SCFD2: variants seen among roughly 807,000 people sequenced by gnomAD.
SCFD2 encodes sec1 family domain-containing protein 2.
A neutral mutation model predicts 58.9 loss-of-function variants in SCFD2; 54 were observed. The ratio of observed to expected loss-of-function variants is 0.92; its 90% CI spans 0.74 to 1.15. The LOEUF (loss-of-function observed/expected upper bound fraction) is 1.15, where lower values mean the gene tolerates loss of function less well. Among genes scored for constraint, SCFD2 ranks in the 50% most tolerant of loss-of-function variants. The pLI is 0.00. For synonymous variants in SCFD2, 321 were observed against 335.9 expected, an observed-to-expected ratio of 0.96 and a Z score of 0.49; for missense variants, 805 against 836.6, an observed-to-expected ratio of 0.96 and a Z score of 0.47.
chr4:52,894,645 TCTCCCTAGTTTGCTAGAACCA>T (rs1718957620), intron 7 of SCFD2, among the ~76,000 whole-genome samples: 4 of 152,332 alleles, frequency 2.6e-5, no homozygotes, highest in Admixed American at 6.5e-5. Context: ...CAAAGCTGTT[TCTCCCTAGTTTGCTAGAACCA>T]CTCCCTAGTG....
At chr4:53,291,582 T>C (rs1731840685) in intron 3 of SCFD2, among the ~76,000 whole-genome samples, 1 of 151,966 alleles carries the variant, frequency 6.6e-6, no homozygotes, top group African/African-American at 2.4e-5. Context: ...GTTATCCCCA[T>C]TAAACTACGA....
chr4:52,884,671 C>T (rs1286365187), intron 8 of SCFD2, among the ~76,000 whole-genome samples: 2 of 152,148 alleles, frequency 1.3e-5, no homozygotes, highest in Middle Eastern at 3.2e-3. Flanking sequence ...TTGGGGAACA[C>T]ACTAAGGCAA....
chr4:53,055,198 T>C lies in SCFD2; in HGVS notation c.1561+90135A>G, dbSNP rs149083591. On this transcript the variant is annotated intron_variant, in intron 5 of 8. Transcript: ENST00000401642. ...TTTGAAGGTCTGTCATTATTCTCCA[T>C]TTTATGTATCAGGAAACTGATGTTC... 1.5e-3 allele frequency among the ~76,000 whole-genome samples: 232 copies of C among 152,312 alleles called. 1 individual carries two copies. Among genetic ancestry groups the C allele is most frequent in the African/African-American group, 5.4e-3 (223 of 41,578 alleles).
intron 4 of SCFD2, among the ~76,000 whole-genome samples, chr4:53,201,840 T>C (rs1728250682): frequency 6.6e-6 from 1 of 152,222 alleles, no homozygotes; most frequent in Non-Finnish European, 1.5e-5. Context: ...GAAGTGTCTG[T>C]TCATATCCTT....
At chr4:53,038,894 C>T (rs1722828734) in intron 5 of SCFD2, among the ~76,000 whole-genome samples, 1 of 152,072 alleles carries the variant, frequency 6.6e-6, no homozygotes, top group South Asian at 2.1e-4. Context: ...TCTCACTTTG[C>T]TGCCCAGGCT....
chr4:53,177,667 A>T (rs1727383803), intron 4 of SCFD2, among the ~76,000 whole-genome samples: 1 of 152,186 alleles, frequency 6.6e-6, no homozygotes, highest in South Asian at 2.1e-4. Context: ...CAGTAGGTGC[A>T]GGGCAGTGGG....
At chr4:52,960,603 A>T (rs1223554901) in intron 5 of SCFD2, among the ~76,000 whole-genome samples, 1 of 152,034 alleles carries the variant, frequency 6.6e-6, no homozygotes, top group Admixed American at 6.6e-5. Flanking sequence ...TCCCGACCTC[A>T]GGTGATCCGC....
chr4:53,232,927 G>C (rs1236657912), intron 4 of SCFD2, among the ~76,000 whole-genome samples: 1 of 152,124 alleles, frequency 6.6e-6, no homozygotes, highest in African/African-American at 2.4e-5. Context: ...ACTTTCCAGA[G>C]ATCATGGAGA....
chr4:53,277,475 A>C lies in SCFD2; in HGVS notation c.1136-3474T>G, dbSNP rs548053028. Among the ~76,000 whole-genome samples the C allele has an allele frequency of 2.6e-5, 4 of 152,276 alleles. No individual in the cohort carries two copies. In the South Asian group the frequency reaches 8.3e-4, roughly 32 times the overall value. On this transcript the variant is annotated intron_variant, in intron 3 of 8. Transcript: ENST00000401642. ...TTAATGATCATACAAATAATTACTT[A>C]ATCATGATAGTGGTAAGTACTGCCA...
intron 5 of SCFD2, among the ~76,000 whole-genome samples, chr4:53,105,449 A>ACTGACAG (rs1366897711): frequency 6.6e-6 from 1 of 152,022 alleles, no homozygotes; most frequent in Non-Finnish European, 1.5e-5. Flanking sequence ...TGAAATTCTC[A>ACTGACAG]CTGACAGCAC....
intron 5 of SCFD2, among the ~76,000 whole-genome samples, chr4:52,970,639 T>C (rs777459400): frequency 1.3e-5 from 2 of 152,202 alleles, no homozygotes; most frequent in Non-Finnish European, 2.9e-5. Context: ...CAGACTTAAA[T>C]GTCCCTGTCT....
At chr4:52,905,914 A>G (rs1256633266) in intron 7 of SCFD2, among the ~76,000 whole-genome samples, 2 of 152,226 alleles carry the variant, frequency 1.3e-5, no homozygotes. Context: ...GTTCTATAAT[A>G]TATTCCATAT....
intron 4 of SCFD2, among the ~76,000 whole-genome samples, chr4:53,249,986 AT>A (rs1669072291): frequency 1.3e-5 from 2 of 152,246 alleles, no homozygotes; most frequent in Non-Finnish European, 2.9e-5. Context: ...AAATGCTCCC[AT>A]TAAAAGACAC....
In SCFD2 at chr4:52,920,808, T is replaced by A. The variant is rs1346831480; in HGVS notation, c.1624A>T (p.Thr542Ser). 1 of 1,611,034 alleles carries A rather than the reference T, an allele frequency of 6.2e-7. No individual in the cohort carries two copies. Among genetic ancestry groups the A allele is most frequent in the East Asian group, 2.2e-5 (1 of 44,806 alleles). Reference protein sequence around the residue: ...KSKIAVDELFTSLRDIAGARS... With the variant: ...KSKIAVDELFSSLRDIAGARS... ...GCTCCAGCAATATCCCGAAGTGAAG[T>A]AAAGAGTTCATCCACGGCAATTTTG... Residue 542 changes from threonine to serine, a missense_variant, in exon 6 of 9, where the codon ACT (threonine) becomes TCT (serine). Thr to Ser is a moderately conservative substitution (Grantham distance 58, BLOSUM62 1). Transcript: ENST00000401642.
intron 5 of SCFD2, among the ~76,000 whole-genome samples, chr4:53,023,058 G>A (rs978645290): frequency 6.6e-5 from 10 of 152,096 alleles, no homozygotes; most frequent in African/African-American, 2.2e-4. Context: ...AATTTATGGT[G>A]ATCATGAGTT....
chr4:53,074,215 T>C (rs572827439), intron 5 of SCFD2, among the ~76,000 whole-genome samples: 1 of 152,308 alleles, frequency 6.6e-6, no homozygotes, highest in East Asian at 1.9e-4. Context: ...ACAACTTTCT[T>C]AGCTTATCCA....
At chr4:53,093,920 T>A (rs953641364) in intron 5 of SCFD2, among the ~76,000 whole-genome samples, 29 of 152,088 alleles carry the variant, frequency 1.9e-4, no homozygotes, top group African/African-American at 6.5e-4. Flanking sequence ...ATTTTTAAAC[T>A]TTTGGATTTT....
chr4:53,265,481 G>T (rs915992824), intron 4 of SCFD2: 1 of 151,972 alleles, frequency 6.6e-6, no homozygotes, highest in Non-Finnish European at 1.5e-5. Flanking sequence ...AATGCTTCAC[G>T]AATTTGCATG....
chr4:53,037,199 C>T (rs1722786525), intron 5 of SCFD2, among the ~76,000 whole-genome samples: 1 of 151,914 alleles, frequency 6.6e-6, no homozygotes, highest in African/African-American at 2.4e-5. Flanking sequence ...TATAGTATTC[C>T]TATCAAAAAT....
Sources: allele counts gnomAD v4.1 joint callset (sites outside exome capture counted in the v4.1 genomes callset), GRCh38; gene constraint gnomAD v4.1.1; transcripts MANE v1.5; gene names NCBI Gene and HGNC (gene_info 2026-07-23, HGNC 2026-07-21).